Variants in ULK4 observed in about 807,000 individuals in gnomAD.
ULK4 encodes unc-51 like kinase 4.
ULK4 carries 133 observed loss-of-function variants against 160.6 expected under a neutral mutation model. That is an observed-to-expected ratio of 0.83 (90% CI 0.72 to 0.96). The LOEUF is 0.96. Ranked by LOEUF, ULK4 falls within the 40% of genes least tolerant of loss-of-function variation. ULK4 has a pLI of 0.00. For synonymous variants in ULK4, 534 were observed against 539.8 expected, an observed-to-expected ratio of 0.99 and a Z score of 0.15; for missense variants, 1,580 against 1,499.5, an observed-to-expected ratio of 1.05 and a Z score of -0.89.
chr3:41,551,197 A>T (rs2643971), intron 32 of ULK4, among the ~76,000 whole-genome samples: 77,393 of 151,604 alleles, frequency 0.51, 19,856 homozygotes, highest in Middle Eastern at 0.57. Flanking sequence ...AAGATTTCAC[A>T]TAAACAATCT....
intron 18 of ULK4, among the ~76,000 whole-genome samples, chr3:41,833,296 T>TG (rs1553667459): frequency 6.2e-5 from 9 of 146,290 alleles, no homozygotes; most frequent in Middle Eastern, 3.7e-3. Flanking sequence ...GTTTTTTTTT[T>TG]TTTTGTTTGT....
chr3:41,715,626 C>T, intron 23 of ULK4, 58 bp from the exon 24 acceptor site: 2 of 1,607,778 alleles, frequency 1.2e-6, no homozygotes, highest in Non-Finnish European at 1.7e-6. Context: ...ACTTAGGAGC[C>T]ACTGGTCATT....
intron 35 of ULK4, among the ~76,000 whole-genome samples, chr3:41,305,547 A>C (rs556155816): frequency 2.5e-4 from 38 of 152,340 alleles, no homozygotes; most frequent in Non-Finnish European, 4.7e-4. Context: ...GCTGGAGTGC[A>C]GTGGCGTGAT....
At chr3:41,427,039 G>A (rs893546165) in intron 34 of ULK4, among the ~76,000 whole-genome samples, 2 of 152,064 alleles carry the variant, frequency 1.3e-5, no homozygotes, top group African/African-American at 4.8e-5. Flanking sequence ...GAAGAAAAGA[G>A]AGTTGAATCA....
chr3:41,827,014 A>G (rs2041382817), intron 18 of ULK4, among the ~76,000 whole-genome samples: 1 of 150,934 alleles, frequency 6.6e-6, no homozygotes, highest in Non-Finnish European at 1.5e-5. Flanking sequence ...CTCACTGAAA[A>G]CCGCTCCACT....
At chr3:41,333,516 CTCTT>C (rs1370757099) in intron 35 of ULK4, among the ~76,000 whole-genome samples, 4 of 152,192 alleles carry the variant, frequency 2.6e-5, no homozygotes, top group Admixed American at 1.3e-4. Context: ...GCCAGCATTA[CTCTT>C]TCTTTGTCTT....
chr3:41,873,894 G>T (rs1180340847), intron 17 of ULK4, among the ~76,000 whole-genome samples: 7 of 144,182 alleles, frequency 4.9e-5, no homozygotes, highest in African/African-American at 7.6e-5. Flanking sequence ...TTTTTTTTTT[G>T]ATGTGGGAGG....
At chr3:41,563,821 G>C (rs965219164) in intron 32 of ULK4, among the ~76,000 whole-genome samples, 7 of 152,106 alleles carry the variant, frequency 4.6e-5, no homozygotes, top group Admixed American at 3.9e-4. Flanking sequence ...CTGTAGCTTG[G>C]AGAAGTTTGT....
At chr3:41,706,896 T>TAGAGAG (rs1284903397) in intron 25 of ULK4, among the ~76,000 whole-genome samples, 79 of 130,020 alleles carry the variant, frequency 6.1e-4, no homozygotes, top group African/African-American at 3.2e-3. Flanking sequence ...TGTGTATATA[T>TAGAGAG]ATATAGAGAG....
chr3:41,331,128 A>G (rs971355779), intron 35 of ULK4, among the ~76,000 whole-genome samples: 4 of 152,158 alleles, frequency 2.6e-5, no homozygotes, highest in Non-Finnish European at 4.4e-5. Flanking sequence ...GCCAACTTGG[A>G]TATCTGTTAG....
chr3:41,540,394 T>C (rs949374069), intron 32 of ULK4, among the ~76,000 whole-genome samples: 7 of 152,230 alleles, frequency 4.6e-5, no homozygotes, highest in African/African-American at 1.7e-4. Context: ...TGCATAGTAT[T>C]CTATAGTGTA....
At chr3:41,533,570 T>C (rs1284092130) in intron 32 of ULK4, among the ~76,000 whole-genome samples, 9 of 152,206 alleles carry the variant, frequency 5.9e-5, no homozygotes. Context: ...CCCACCTAAT[T>C]CTGTAAATAA....
chr3:41,256,946 C>G (rs1241810210), intron 35 of ULK4, among the ~76,000 whole-genome samples: 4 of 152,142 alleles, frequency 2.6e-5, no homozygotes, highest in Non-Finnish European at 4.4e-5. Flanking sequence ...CCTCATACTC[C>G]TGGGCTCAAG....
chr3:41,745,606 C>T (rs1187597314), intron 22 of ULK4, among the ~76,000 whole-genome samples: 3 of 151,432 alleles, frequency 2.0e-5, no homozygotes, highest in Non-Finnish European at 4.4e-5. Flanking sequence ...CAGTCTCTTC[C>T]AGAAAACAGA....
chr3:41,836,202 T>A (rs1284923612), intron 17 of ULK4, among the ~76,000 whole-genome samples: 3 of 151,000 alleles, frequency 2.0e-5, no homozygotes, highest in Non-Finnish European at 3.0e-5. Context: ...AGTTTATAAT[T>A]TTTTTTTTAA....
intron 27 of ULK4, among the ~76,000 whole-genome samples, chr3:41,701,651 C>G (rs188275864): frequency 6.6e-6 from 1 of 151,932 alleles, no homozygotes; most frequent in Non-Finnish European, 1.5e-5. Flanking sequence ...GTAGTAAATA[C>G]GTGAATAAAT....
intron 30 of ULK4, among the ~76,000 whole-genome samples, chr3:41,639,326 G>A (rs1559451176): frequency 6.6e-6 from 1 of 152,094 alleles, no homozygotes; most frequent in Non-Finnish European, 1.5e-5. Flanking sequence ...ATCATCAGAA[G>A]CAAAATAAAT....
At chr3:41,844,716 G>T (rs1378729528) in intron 17 of ULK4, among the ~76,000 whole-genome samples, 1 of 151,012 alleles carries the variant, frequency 6.6e-6, no homozygotes, top group African/African-American at 2.4e-5. Flanking sequence ...CTGCCAGCAC[G>T]CTGTCACCTC....
intron 17 of ULK4, among the ~76,000 whole-genome samples, chr3:41,882,712 G>A (rs1330264707): frequency 6.6e-6 from 1 of 152,172 alleles, no homozygotes; most frequent in Non-Finnish European, 1.5e-5. Context: ...ACCAATGCCT[G>A]CTCTGACGAT....
Sources: allele counts gnomAD v4.1 joint callset (sites outside exome capture counted in the v4.1 genomes callset), GRCh38; gene constraint gnomAD v4.1.1; transcripts MANE v1.5; gene names NCBI Gene and HGNC (gene_info 2026-07-23, HGNC 2026-07-21).